The following GHR variants were observed in gnomAD, a reference collection of about 807,000 sequenced individuals.
GHR encodes the protein GH receptor.
Under a neutral mutation model 67.1 loss-of-function variants are expected in GHR, and 35 were observed. The ratio of observed to expected loss-of-function variants is 0.52; its 90% CI spans 0.40 to 0.69. The LOEUF is 0.69. Ranked by LOEUF, GHR falls within the 30% of genes least tolerant of loss-of-function variation. The pLI is 0.00. For synonymous variants in GHR, 272 were observed against 269.1 expected (o/e 1.01, Z -0.10); for missense variants, 792 against 764.6 (o/e 1.04, Z -0.42).
At chr5:42,472,186 T>C (rs747983099) in intron 1 of GHR, among the ~76,000 whole-genome samples, 2 of 152,136 alleles carry the variant, frequency 1.3e-5, no homozygotes, top group African/African-American at 2.4e-5. Flanking sequence ...CCCTTAAACA[T>C]CTACAGGAAG....
chr5:42,569,275 T>G (rs1029948786), intron 2 of GHR, among the ~76,000 whole-genome samples: 4 of 152,258 alleles, frequency 2.6e-5, no homozygotes, highest in African/African-American at 4.8e-5. Flanking sequence ...TTCTATTTTA[T>G]GCATTTAACA....
chr5:42,518,570 T>C (rs1180569635), intron 1 of GHR, among the ~76,000 whole-genome samples: 3 of 152,170 alleles, frequency 2.0e-5, no homozygotes, highest in African/African-American at 7.2e-5. Flanking sequence ...AGAGAGGCAG[T>C]TTTGGAATGA....
intron 2 of GHR, among the ~76,000 whole-genome samples, chr5:42,602,477 A>G (rs1355900959): frequency 6.6e-6 from 1 of 152,160 alleles, no homozygotes; most frequent in African/African-American, 2.4e-5. Flanking sequence ...GCCATTCTGT[A>G]TCTTTTTTAT....
intron 3 of GHR, among the ~76,000 whole-genome samples, chr5:42,664,954 C>G (rs1339094946): frequency 6.6e-6 from 1 of 152,170 alleles, no homozygotes; most frequent in Non-Finnish European, 1.5e-5. Flanking sequence ...AGACACTTCT[C>G]AAAAGAAGAC....
At chr5:42,544,680 A>T (rs1290180331) in intron 1 of GHR, among the ~76,000 whole-genome samples, 1 of 152,182 alleles carries the variant, frequency 6.6e-6, no homozygotes, top group African/African-American at 2.4e-5. Flanking sequence ...AGAAAATATT[A>T]GGTATACAAA....
intron 6 of GHR, among the ~76,000 whole-genome samples, chr5:42,708,824 C>T (rs1374212567): frequency 6.6e-6 from 1 of 152,202 alleles, no homozygotes; most frequent in African/African-American, 2.4e-5. Flanking sequence ...CCCAACATGG[C>T]TTTGTTGCAC....
intron 2 of GHR, among the ~76,000 whole-genome samples, chr5:42,568,432 C>T (rs1750078499): frequency 6.6e-6 from 1 of 152,118 alleles, no homozygotes; most frequent in Non-Finnish European, 1.5e-5. Flanking sequence ...ATTCCAAAAT[C>T]AGGAATGATC....
chr5:42,580,357 G>A (rs921908470), intron 2 of GHR, among the ~76,000 whole-genome samples: 1 of 151,916 alleles, frequency 6.6e-6, no homozygotes, highest in African/African-American at 2.4e-5. Context: ...GTGTGTTTGT[G>A]GGGTGGAGGA....
At chr5:42,712,137 A>G (rs1172916137) in intron 7 of GHR, among the ~76,000 whole-genome samples, 3 of 152,142 alleles carry the variant, frequency 2.0e-5, no homozygotes, top group Non-Finnish European at 4.4e-5. Context: ...TTACAGGGCT[A>G]TATGTTTGTT....
At chr5:42,458,004 C>T (rs1421852963) in intron 1 of GHR, among the ~76,000 whole-genome samples, 1 of 152,136 alleles carries the variant, frequency 6.6e-6, no homozygotes. Flanking sequence ...AAATATATTT[C>T]CTTTTTCCTA....
intron 1 of GHR, among the ~76,000 whole-genome samples, chr5:42,431,549 C>T (rs746321126): frequency 3.9e-5 from 6 of 152,170 alleles, no homozygotes; most frequent in Non-Finnish European, 7.3e-5. Context: ...CTAAACTTAC[C>T]TTCAAATACT....
intron 1 of GHR, among the ~76,000 whole-genome samples, chr5:42,479,262 T>G (rs138552899): frequency 0.46 from 70,531 of 152,044 alleles, 16,897 homozygotes; most frequent in Middle Eastern, 0.53. Flanking sequence ...ATAAGCTTTT[T>G]GATGTGCTGC....
intron 8 of GHR, among the ~76,000 whole-genome samples, chr5:42,716,178 A>C (rs868458340): frequency 5.7e-4 from 87 of 152,234 alleles, no homozygotes; most frequent in Admixed American, 1.6e-3. Flanking sequence ...TCAAAAAAAA[A>C]AAAACAAAAC....
In GHR at chr5:42,423,829, C is replaced by T; in HGVS notation, c.-138C>T. ...GCTGCTACAGTGGCGGTGGCGGCGG[C>T]GGCTGCTGCTGAGCCCGGGCGGCGG... On this transcript the variant is annotated 5_prime_UTR_variant, in exon 1 of 10. Transcript: ENST00000230882. 1 of 164,488 alleles carries T rather than the reference C, an allele frequency of 6.1e-6. No homozygotes were observed. The highest frequency in any genetic ancestry group is 1.3e-5 in the Non-Finnish European group (1 of 78,092). The allele number at this position is 164,488 out of a possible 1,614,324, so 10.2% of individuals were successfully genotyped here.
Position 42,712,605 on chromosome 5 carries a change from C to T in GHR, c.785-824C>T, listed in dbSNP as rs572790833. ...AAGACTATTTCAGCATAAAGACCTA[C>T]ATTTTAAATGGCAATGTTAAGGTAA... On this transcript the variant is annotated intron_variant, in intron 7 of 9. Coordinates refer to ENST00000230882, the MANE Select transcript of GHR (RefSeq NM_000163.5). Among the ~76,000 whole-genome samples, 3 of 152,138 alleles carry T rather than the reference C, an allele frequency of 2.0e-5. No individual in the cohort carries two copies. In the South Asian group the frequency reaches 6.2e-4, roughly 32 times the overall value.
chr5:42,694,607 C>A (rs1757579481), intron 4 of GHR, among the ~76,000 whole-genome samples: 1 of 152,150 alleles, frequency 6.6e-6, no homozygotes, highest in Non-Finnish European at 1.5e-5. Context: ...AGTCTCAGAA[C>A]CTTCATCTAT....
At chr5:42,662,266 C>A (rs1477700964) in intron 3 of GHR, among the ~76,000 whole-genome samples, 2 of 152,202 alleles carry the variant, frequency 1.3e-5, no homozygotes, top group African/African-American at 4.8e-5. Context: ...TAATAGACAT[C>A]TACAGAACTC....
intron 4 of GHR, among the ~76,000 whole-genome samples, chr5:42,690,108 G>A (rs943038288): frequency 5.9e-5 from 9 of 152,190 alleles, no homozygotes; most frequent in African/African-American, 2.2e-4. Context: ...CCCCAGAGAA[G>A]GCCTAAGCCA....
chr5:42,475,480 T>C (rs1745262683), intron 1 of GHR, among the ~76,000 whole-genome samples: 2 of 152,178 alleles, frequency 1.3e-5, no homozygotes, highest in Non-Finnish European at 2.9e-5. Flanking sequence ...CAGCCATGAC[T>C]GGTTAAGATC....
Sources: gnomAD v4.1 joint callset for allele counts (sites outside exome capture counted in the v4.1 genomes callset) on GRCh38, gnomAD v4.1.1 for gene constraint, MANE v1.5 for transcripts, NCBI Gene and HGNC (gene_info 2026-07-23, HGNC 2026-07-21) for gene names.